SGCD: variants seen among roughly 807,000 people sequenced by gnomAD.
SGCD encodes the protein sarcoglycan delta.
A neutral mutation model predicts 36.6 loss-of-function variants in SGCD; 18 were observed. The ratio of observed to expected loss-of-function variants is 0.49; its 90% CI spans 0.34 to 0.73. The LOEUF is 0.73. Ranked by LOEUF, SGCD falls within the 30% of genes least tolerant of loss-of-function variation. The pLI is 0.01. For synonymous variants in SGCD, 133 were observed against 130.6 expected, an observed-to-expected ratio of 1.02 and a Z score of -0.12; for missense variants, 387 against 346.7, an observed-to-expected ratio of 1.12 and a Z score of -0.92.
chr5:155,988,347 C>A (rs904253134), intron 1 of SGCD, among the ~76,000 whole-genome samples: 2 of 152,126 alleles, frequency 1.3e-5, no homozygotes, highest in Admixed American at 6.6e-5. Flanking sequence ...AAGACTCCCC[C>A]CCGACCCCAT....
At chr5:156,292,245 C>G (rs1766776695) in intron 3 of SGCD, among the ~76,000 whole-genome samples, 1 of 152,118 alleles carries the variant, frequency 6.6e-6, no homozygotes, top group African/African-American at 2.4e-5. Context: ...TTTCATCTTG[C>G]AAAACTCAAA....
chr5:156,649,208 A>G (rs1763356811), intron 7 of SGCD, among the ~76,000 whole-genome samples: 1 of 152,180 alleles, frequency 6.6e-6, no homozygotes, highest in Non-Finnish European at 1.5e-5. Flanking sequence ...AAGTCAGGGA[A>G]CAACAGATGC....
chr5:156,487,571 C>T (rs1469893768), intron 3 of SGCD, among the ~76,000 whole-genome samples: 7 of 151,738 alleles, frequency 4.6e-5, no homozygotes, highest in African/African-American at 1.2e-4. Flanking sequence ...GGGTGGATCA[C>T]GAGGTCAGAA....
At chr5:155,810,762 A>C in the SGCD span, among the ~76,000 whole-genome samples, 2 of 131,174 alleles carry the variant, frequency 1.5e-5, no homozygotes, top group Non-Finnish European at 3.2e-5. Context: ...TGTGGAGGAG[A>C]GAGGTTTTCT....
At chr5:156,188,113 C>T (rs1009584675) in intron 3 of SGCD, among the ~76,000 whole-genome samples, 1 of 152,114 alleles carries the variant, frequency 6.6e-6, no homozygotes, top group Admixed American at 6.5e-5. Context: ...GCCTTATTAG[C>T]CTTGCCCTGG....
At chr5:156,406,839 CACAT>C (rs1194278890) in intron 3 of SGCD, among the ~76,000 whole-genome samples, 10 of 119,232 alleles carry the variant, frequency 8.4e-5, no homozygotes, top group Middle Eastern at 4.5e-3. Flanking sequence ...CACACACACA[CACAT>C]ATATATGTGT....
intron 3 of SGCD, among the ~76,000 whole-genome samples, chr5:156,246,957 C>CA (rs1765455308): frequency 2.0e-5 from 3 of 152,158 alleles, no homozygotes. Context: ...AACCAGTTTG[C>CA]AACTTACTTA....
At chr5:156,114,510 G>T (rs750235122) in intron 1 of SGCD, among the ~76,000 whole-genome samples, 1 of 152,128 alleles carries the variant, frequency 6.6e-6, no homozygotes, top group Middle Eastern at 3.4e-3. Flanking sequence ...GATCATGAAA[G>T]ATGAGAAATA....
At chr5:156,723,373 C>G (rs1755607422) in intron 7 of SGCD, among the ~76,000 whole-genome samples, 1 of 152,210 alleles carries the variant, frequency 6.6e-6, no homozygotes, top group Non-Finnish European at 1.5e-5. Context: ...CTTTCACTTA[C>G]TCATTCAACA....
the SGCD span, among the ~76,000 whole-genome samples, chr5:155,770,292 A>G: frequency 1.3e-5 from 2 of 150,872 alleles, no homozygotes; most frequent in Non-Finnish European, 3.0e-5. Context: ...GGGTGTGGTT[A>G]GGAAAAGTCT....
intron 3 of SGCD, among the ~76,000 whole-genome samples, chr5:156,502,888 A>G (rs1196519969): frequency 3.3e-5 from 5 of 152,234 alleles, no homozygotes; most frequent in Non-Finnish European, 5.9e-5. Flanking sequence ...GTTTTGTGTT[A>G]TATTTTGGAA....
intron 4 of SGCD, among the ~76,000 whole-genome samples, chr5:156,540,040 A>T (rs1416044049): frequency 6.6e-6 from 1 of 152,150 alleles, no homozygotes; most frequent in Non-Finnish European, 1.5e-5. Context: ...CCTTGAAAAC[A>T]TAAACAATTG....
At chr5:156,509,123 G>C (rs1285027092) in intron 4 of SGCD, among the ~76,000 whole-genome samples, 2 of 152,132 alleles carry the variant, frequency 1.3e-5, no homozygotes, top group African/African-American at 4.8e-5. Flanking sequence ...GCCAGTGTTG[G>C]TTAGGATCAA....
intron 3 of SGCD, among the ~76,000 whole-genome samples, chr5:156,347,910 T>A (rs889333008): frequency 6.6e-6 from 1 of 152,004 alleles, no homozygotes; most frequent in African/African-American, 2.4e-5. Context: ...AAATTGAGAG[T>A]CCTTAAAGCT....
intron 7 of SGCD, among the ~76,000 whole-genome samples, chr5:156,695,441 A>G (rs1406759282): frequency 6.6e-6 from 1 of 152,056 alleles, no homozygotes. Flanking sequence ...GCCAGCCTCC[A>G]TAATTGCATA....
chr5:155,747,381 AGG>A, the SGCD span, among the ~76,000 whole-genome samples: 1 of 152,190 alleles, frequency 6.6e-6, no homozygotes, highest in African/African-American at 2.4e-5. Flanking sequence ...GACTTTCAGA[AGG>A]AGTGTCACCG....
chr5:155,852,429 C>T, the SGCD span, among the ~76,000 whole-genome samples: 1 of 152,102 alleles, frequency 6.6e-6, no homozygotes, highest in African/African-American at 2.4e-5. Context: ...CCATATACTT[C>T]ATGTATTTTG....
chr5:156,160,376 T>C (rs899056119), intron 3 of SGCD, among the ~76,000 whole-genome samples: 11 of 151,708 alleles, frequency 7.3e-5, no homozygotes, highest in African/African-American at 2.7e-4. Flanking sequence ...TCACTTTCTA[T>C]ATTTTATTCC....
At chr5:156,333,151 A>C in intron 2 of SGCD, among the ~76,000 whole-genome samples, 1 of 152,220 alleles carries the variant, frequency 6.6e-6, no homozygotes. Flanking sequence ...GAGCGCAGGT[A>C]ATAGCTAAAG....
Sources: gnomAD v4.1 joint callset for allele counts (sites outside exome capture counted in the v4.1 genomes callset) on GRCh38, gnomAD v4.1.1 for gene constraint, MANE v1.5 for transcripts, NCBI Gene and HGNC (gene_info 2026-07-23, HGNC 2026-07-21) for gene names.